WNT9B: variants seen among roughly 807,000 people sequenced by gnomAD.
The protein encoded by WNT9B is protein Wnt-9b.
Under a neutral mutation model 30.2 loss-of-function variants are expected in WNT9B, and 12 were observed. That is an observed-to-expected ratio of 0.40 (90% CI 0.26 to 0.64). The LOEUF (loss-of-function observed/expected upper bound fraction) is 0.64, where lower values mean the gene tolerates loss of function less well. Ranked by LOEUF, WNT9B falls within the 30% of genes least tolerant of loss-of-function variation. WNT9B has a pLI of 0.42. For missense variants in WNT9B, 442 were observed against 485.2 expected (o/e 0.91, Z 0.84); for synonymous variants, 218 against 216.9 (o/e 1.01, Z -0.05).
At chr17:46,839,031 C>A (rs541390394) in intron 1 of WNT9B, among the ~76,000 whole-genome samples, 1 of 152,258 alleles carries the variant, frequency 6.6e-6, no homozygotes, top group African/African-American at 2.4e-5. Flanking sequence ...GCGCCCGCCA[C>A]CATGCCCAGC....
chr17:46,875,078 A>G (rs1403969006), intron 2 of WNT9B, 23 bp from the exon 3 acceptor site: 3 of 1,612,900 alleles, frequency 1.9e-6, no homozygotes, highest in Middle Eastern at 1.6e-4. Flanking sequence ...CTCCCTCCCT[A>G]TGCCCCTGGG....
At chr17:46,845,876 C>T (rs765617194) in intron 1 of WNT9B, among the ~76,000 whole-genome samples, 21 of 150,604 alleles carry the variant, frequency 1.4e-4, no homozygotes, top group Non-Finnish European at 2.1e-4. Flanking sequence ...CTGCAAACTC[C>T]GCCTCCTGAG....
At chr17:46,874,186 CAG>C (rs1227998813) in intron 2 of WNT9B, among the ~76,000 whole-genome samples, 1 of 152,014 alleles carries the variant, frequency 6.6e-6, no homozygotes, top group Non-Finnish European at 1.5e-5. Flanking sequence ...CCACACCCAG[CAG>C]AGAGGAGTGT....
chr17:46,834,015 G>T (rs893208159), intron 1 of WNT9B, among the ~76,000 whole-genome samples: 1 of 152,026 alleles, frequency 6.6e-6, no homozygotes, highest in African/African-American at 2.4e-5. Context: ...GGGCAACATA[G>T]TGAGACCCTG....
downstream of WNT9B, among the ~76,000 whole-genome samples, chr17:46,881,339 C>T (rs1005932296): frequency 2.0e-5 from 3 of 152,246 alleles, no homozygotes; most frequent in East Asian, 1.9e-4. Context: ...GCCTGGAGAC[C>T]AGCTGGCTCT....
At chr17:46,833,901 C>T (rs2084589061) in intron 1 of WNT9B, among the ~76,000 whole-genome samples, 1 of 152,108 alleles carries the variant, frequency 6.6e-6, no homozygotes, top group Non-Finnish European at 1.5e-5. Context: ...CATTCTGGAC[C>T]ATGTCCCATC....
chr17:46,862,275 C>G (rs1021143042), intron 1 of WNT9B, among the ~76,000 whole-genome samples: 1 of 151,490 alleles, frequency 6.6e-6, no homozygotes, highest in East Asian at 1.9e-4. Context: ...ATTAAAAGTA[C>G]AGAAAGGTAA....
At chr17:46,851,110 C>A (rs1018205876), upstream of WNT9B, among the ~76,000 whole-genome samples, 7 of 152,268 alleles carry the variant, frequency 4.6e-5, no homozygotes, top group Middle Eastern at 6.8e-3. This position sits in a 1 kb window ranked among gnomAD's most constrained non-coding sequence, Gnocchi z 4.3. Context: ...CCTGAGTCTG[C>A]GGGCTGCGGC....
rs763800580 is a variant in WNT9B, at chr17:46,875,097, C to T, written c.335-4C>T. The T allele has an allele frequency of 6.2e-7, 1 of 1,613,658 alleles. No homozygotes were observed. Among genetic ancestry groups the T allele is most frequent in the South Asian group, 1.1e-5 (1 of 91,084 alleles). On this transcript the variant is annotated splice_region_variant and splice_polypyrimidine_tract_variant and intron_variant, in intron 2 of 3. Coordinates refer to ENST00000290015, the MANE Select transcript of WNT9B (RefSeq NM_003396.3). ...CTCCCTATGCCCCTGGGTGCCCGATCCAGGCTTCAAAGAGACAGCTTTCCT... is the reference window on the plus strand; with the variant it reads ...CTCCCTATGCCCCTGGGTGCCCGATTCAGGCTTCAAAGAGACAGCTTTCCT...
rs575900639 is a variant in WNT9B, at chr17:46,874,520, G to A, written c.335-581G>A. Among the ~76,000 whole-genome samples the A allele has an allele frequency of 2.0e-4, 30 of 152,276 alleles. 1 individual carries two copies. In the South Asian group the frequency reaches 6.2e-3, roughly 32 times the overall value. ...TAGCCCCTGGCCTGCTGCCCTCTGG[G>A]AATCTGGGAACATACTCCATAGTGA... On this transcript the variant is annotated intron_variant, in intron 2 of 3. Transcript: ENST00000290015.
chr17:46,840,824 C>T (rs1264039862), intron 1 of WNT9B, among the ~76,000 whole-genome samples: 5 of 152,132 alleles, frequency 3.3e-5, no homozygotes, highest in African/African-American at 9.7e-5. Flanking sequence ...CTGTTCATAT[C>T]CTTTGCCCAT....
chr17:46,858,476 T>C (rs1311864580), intron 1 of WNT9B, among the ~76,000 whole-genome samples: 1 of 151,114 alleles, frequency 6.6e-6, no homozygotes, highest in South Asian at 2.1e-4. Flanking sequence ...TTTTATTTTA[T>C]TTTATTTTAT....
intron 1 of WNT9B, among the ~76,000 whole-genome samples, chr17:46,859,402 T>C (rs1482442026): frequency 6.6e-6 from 1 of 152,242 alleles, no homozygotes; most frequent in Non-Finnish European, 1.5e-5. Flanking sequence ...TTTGTTGAAA[T>C]GATGATGTTT....
At chr17:46,874,931 A>G (rs993305499) in intron 2 of WNT9B, 170 bp from the exon 3 acceptor site, 11 of 1,024,594 alleles carry the variant, frequency 1.1e-5, no homozygotes, top group Non-Finnish European at 1.5e-5. Context: ...GGCAGTTGAC[A>G]GGGAGACCCA....
chr17:46,850,070 G>A (rs553420487), upstream of WNT9B, among the ~76,000 whole-genome samples: 6 of 152,112 alleles, frequency 3.9e-5, no homozygotes. Flanking sequence ...GGCTGGTCTC[G>A]AATTCCTGAC....
chr17:46,875,966 T>G (rs750354866), intron 3 of WNT9B, among the ~76,000 whole-genome samples: 5 of 151,696 alleles, frequency 3.3e-5, no homozygotes, highest in Non-Finnish European at 7.4e-5. Context: ...AATCATTGAG[T>G]TGGTGTGAAC....
chr17:46,851,772 C>T lies in WNT9B; in HGVS notation c.77+57C>T, dbSNP rs932280179. On this transcript the variant is annotated intron_variant, in intron 1 of 3. Transcript: ENST00000290015. This position sits in a 1 kb window ranked among gnomAD's most constrained non-coding sequence, Gnocchi z 4.3. ...CCGGCCTGCCTGTCTCTCCCTCCTG[C>T]GCTACAGCTGGGCCAATTTTTCCCT... 5.3e-6 allele frequency: 5 copies of T among 938,814 alleles called. 1 individual carries two copies. Among genetic ancestry groups the T allele is most frequent in the Non-Finnish European group, 7.0e-6 (5 of 713,474 alleles). 58.2% of individuals were successfully genotyped at this position (938,814 alleles called of 1,614,324 possible). A position where few individuals can be genotyped will look rare whatever the true frequency, so the allele number is the denominator to read the frequency against.
Position 46,842,831 on chromosome 17 carries a change from C to G in WNT9B, c.95+9391C>G, listed in dbSNP as rs989807709. ...GCTATGAGAAAATCAGACAGTGCAC[C>G]TCTTCTGAATCACACTGGAAGATGT... On this transcript the variant is annotated intron_variant, in intron 1 of 2. Transcript: ENST00000575372. Among the ~76,000 whole-genome samples, 19 of 152,204 alleles carry G rather than the reference C, an allele frequency of 1.2e-4. 1 individual carries two copies. The highest frequency in any genetic ancestry group is 1.3e-4 in the Admixed American group (2 of 15,278).
chr17:46,861,759 T>C (rs2085041399), intron 1 of WNT9B, among the ~76,000 whole-genome samples: 1 of 152,232 alleles, frequency 6.6e-6, no homozygotes, highest in African/African-American at 2.4e-5. Context: ...TGGTCAGTCC[T>C]GGAAACTTCC....
Sources: allele counts gnomAD v4.1 joint callset (sites outside exome capture counted in the v4.1 genomes callset), GRCh38; gene constraint gnomAD v4.1.1; non-coding constraint Gnocchi (gnomAD v3.1); transcripts MANE v1.5; gene names NCBI Gene and HGNC (gene_info 2026-07-23, HGNC 2026-07-21).